AMDHD2: variants seen among roughly 807,000 people sequenced by gnomAD.
AMDHD2 encodes amidohydrolase domain containing 2.
A neutral mutation model predicts 41.8 loss-of-function variants in AMDHD2; 24 were observed. The observed-to-expected ratio is 0.57, with a 90% CI of 0.42 to 0.81. AMDHD2 has a LOEUF of 0.81. AMDHD2 is among the 30% of genes least tolerant of loss of function. AMDHD2 has a pLI of 0.00. For missense variants in AMDHD2, 540 were observed against 588.5 expected, an observed-to-expected ratio of 0.92 and a Z score of 0.85; for synonymous variants, 332 against 255.5, an observed-to-expected ratio of 1.30 and a Z score of -2.85.
Position 2,521,120 on chromosome 16 carries a change from C to A in AMDHD2, c.357C>A (p.His119Gln). 1 of 1,578,444 alleles carries A rather than the reference C, an allele frequency of 6.3e-7. No homozygotes were observed. Among genetic ancestry groups the A allele is most frequent in the Non-Finnish European group, 8.6e-7 (1 of 1,156,252 alleles). The change falls in exon 3 of 11, where the codon CAC becomes CAA. Residue 119 changes from histidine to glutamine, a missense_variant. By Grantham distance (24) the His-to-Gln change is conservative (BLOSUM62 0). Coordinates refer to ENST00000293971, the MANE Select transcript of AMDHD2 (RefSeq NM_001330449.2). Reference sequence around the variant, plus strand: ...TCACTTCCCCACCGGAGGTTTATCACAAGGTGAGGTGAGGCTCCCTGGCTG... The same window carrying A: ...TCACTTCCCCACCGGAGGTTTATCAAAAGGTGAGGTGAGGCTCCCTGGCTG... ...TLVTSPPEVY[H>Q]KVVPQIPVKS...
chr16:2,530,225 C>A lies in AMDHD2; in HGVS notation c.*662C>A, dbSNP rs1459967737. 1 of 1,561,978 alleles carries A rather than the reference C, an allele frequency of 6.4e-7. No homozygotes were observed. Among genetic ancestry groups the A allele is most frequent in the Admixed American group, 1.8e-5 (1 of 54,878 alleles). On this transcript the variant is annotated 3_prime_UTR_variant, in exon 11 of 11. Transcript: ENST00000293971. Reference sequence around the variant, plus strand: ...GATGACCAGCGTTCTGTTTTCTCTTCTCAATAACCCTATCTCTTCACACAT... The same window carrying A: ...GATGACCAGCGTTCTGTTTTCTCTTATCAATAACCCTATCTCTTCACACAT...
chr16:2,530,151 C>A lies in AMDHD2; in HGVS notation c.*588C>A, dbSNP rs1368734856. 1 of 1,424,082 alleles carries A rather than the reference C, an allele frequency of 7.0e-7. No homozygotes were observed. Among genetic ancestry groups the A allele is most frequent in the Non-Finnish European group, 9.3e-7 (1 of 1,079,508 alleles). The allele number at this position is 1,424,082 out of a possible 1,614,324, so 88.2% of individuals were successfully genotyped here. On this transcript the variant is annotated 3_prime_UTR_variant, in exon 11 of 11. Coordinates refer to ENST00000293971, the MANE Select transcript of AMDHD2 (RefSeq NM_001330449.2). ...TGACCTCCAGGAGGGAGACTGGGCC[C>A]GGGACCCCTGTTTTCTGCTCCCTGG...
chr16:2,528,704 TC>T lies in AMDHD2; in HGVS notation c.1027del (p.Leu343CysfsTer73), dbSNP rs1297925264. The T allele has an allele frequency of 6.2e-7, 1 of 1,612,652 alleles. No homozygotes were observed. Among genetic ancestry groups the T allele is most frequent in the Middle Eastern group, 1.7e-4 (1 of 6,052 alleles). ...CCAATGGACGTCTGTGTCCGGCACT[TC>T]CTGCAGGCCACAGGTCAGTGAGCAG... ...IAPMDVCVRH[F>X]LQATGCSMES... On this transcript the variant is annotated frameshift_variant, in exon 9 of 11. Coordinates refer to ENST00000293971, the MANE Select transcript of AMDHD2 (RefSeq NM_001330449.2). LOFTEE classifies it high-confidence loss of function.
Position 2,531,113 on chromosome 16 carries a change from A to C in AMDHD2, c.*1550A>C. ...CAGAGCTGGCATGTTGGTCATCCCC[A>C]CCTCAGACGGGACGCCCAGTCCAGA... On this transcript the variant is annotated 3_prime_UTR_variant, in exon 11 of 11. Coordinates refer to ENST00000293971, the MANE Select transcript of AMDHD2 (RefSeq NM_001330449.2). 6.5e-7 allele frequency: 1 copy of C among 1,539,252 alleles called. No individual in the cohort carries two copies.
chr16:2,530,597 C>T lies in AMDHD2; in HGVS notation c.*1034C>T, dbSNP rs746138755. The T allele has an allele frequency of 1.9e-6, 3 of 1,614,190 alleles. No homozygotes were observed. The highest frequency in any genetic ancestry group is 3.3e-5 in the Admixed American group (2 of 60,032). Reference sequence around the variant, plus strand: ...CCTTGCTTACAGGTGCTGTCCTGGGCACAGGAGGTACGCGCCTGGCTCTGC... The same window carrying T: ...CCTTGCTTACAGGTGCTGTCCTGGGTACAGGAGGTACGCGCCTGGCTCTGC... On this transcript the variant is annotated 3_prime_UTR_variant, in exon 11 of 11. Transcript: ENST00000293971.
rs745655515 is a variant in AMDHD2, at chr16:2,530,321, G to A, written c.*758G>A. The A allele has an allele frequency of 5.6e-6, 9 of 1,614,122 alleles. No individual in the cohort carries two copies. The highest frequency in any genetic ancestry group is 1.7e-4 in the Middle Eastern group (1 of 6,060). On this transcript the variant is annotated 3_prime_UTR_variant, in exon 11 of 11. Transcript: ENST00000293971. ...GGAGGGCAGTATGGGAGGCACCAGT[G>A]TGCCCTGCTCACCCCATTAGTGTCA... is the stretch of plus-strand genomic sequence containing the variant.
At chr16:2,522,740 C>T (rs1021874617) in intron 3 of AMDHD2, among the ~76,000 whole-genome samples, 2 of 152,090 alleles carry the variant, frequency 1.3e-5, no homozygotes, top group African/African-American at 2.4e-5. Flanking sequence ...GTCTCAAACT[C>T]CTAGGCTCAG....
chr16:2,525,044 T>C (rs1462023128), intron 3 of AMDHD2, among the ~76,000 whole-genome samples: 2 of 151,680 alleles, frequency 1.3e-5, no homozygotes, highest in Non-Finnish European at 2.9e-5. Context: ...TGTTTCACTC[T>C]TCTCTCTGGC....
intron 10 of AMDHD2, 180 bp from the exon 11 acceptor site, chr16:2,529,295 A>G: frequency 8.9e-7 from 1 of 1,121,050 alleles, no homozygotes; most frequent in Non-Finnish European, 1.2e-6. Flanking sequence ...AAGGCCAGGC[A>G]AGGGGTTGCA....
At chr16:2,520,951 C>T (rs758319626) in intron 2 of AMDHD2, 33 bp from the exon 3 acceptor site, 2 of 1,596,312 alleles carry the variant, frequency 1.3e-6, no homozygotes, top group East Asian at 2.3e-5. Context: ...GAGCTCTGAG[C>T]TCCATGCGAC....
intron 3 of AMDHD2, among the ~76,000 whole-genome samples, chr16:2,522,545 C>T (rs1328855698): frequency 2.0e-5 from 3 of 152,170 alleles, no homozygotes; most frequent in Admixed American, 6.5e-5. Context: ...GGAGTGGTTG[C>T]GCCTACCTGT....
Position 2,529,479 on chromosome 16 carries a change from C to G in AMDHD2, c.1146C>G (p.Phe382Leu), listed in dbSNP as rs752994308. The G allele has an allele frequency of 6.2e-7, 1 of 1,610,520 alleles. No individual in the cohort carries two copies. Among genetic ancestry groups the G allele is most frequent in the Non-Finnish European group, 8.5e-7 (1 of 1,179,960 alleles). ...GTLDFGADAD[F>L]VVLDDSLHVQ... Reference sequence around the variant, plus strand: ...CATTGCCCGGCTCTGTCCCAGACTTCGTGGTGCTCGACGACTCCCTTCACG... The same window carrying G: ...CATTGCCCGGCTCTGTCCCAGACTTGGTGGTGCTCGACGACTCCCTTCACG... Residue 382 changes from phenylalanine (F) to leucine (L), a missense_variant, in exon 11 of 11, where the codon TTC becomes TTG. Coordinates refer to ENST00000293971, the MANE Select transcript of AMDHD2 (RefSeq NM_001330449.2).
intron 3 of AMDHD2, among the ~76,000 whole-genome samples, chr16:2,525,877 C>G (rs1202042047): frequency 6.6e-6 from 1 of 152,146 alleles, no homozygotes; most frequent in East Asian, 1.9e-4. Context: ...TGGGGTTTCT[C>G]CATGTTGGTA....
chr16:2,529,731 ACTCGC>A lies in AMDHD2; in HGVS notation c.*171_*175del. The A allele has an allele frequency of 6.9e-7, 1 of 1,449,362 alleles. No individual in the cohort carries two copies. 89.8% of individuals were successfully genotyped at this position (1,449,362 alleles called of 1,614,324 possible). On this transcript the variant is annotated 3_prime_UTR_variant, in exon 11 of 11. Transcript: ENST00000293971. ...CTGGGATAAACGTGCACCCAGCAGG[ACTCGC>A]CTTGGCTCCGGGTTTTGCTTGTGCT... is the stretch of plus-strand genomic sequence containing the variant.
At chr16:2,528,817 C>A in intron 9 of AMDHD2, 99 bp downstream of exon 9, 1 of 1,571,860 alleles carries the variant, frequency 6.4e-7, no homozygotes. Context: ...GCTCTGCCCA[C>A]AGGAGCTCCT....
chr16:2,522,333 T>C (rs981294497), intron 3 of AMDHD2, among the ~76,000 whole-genome samples: 9 of 152,132 alleles, frequency 5.9e-5, no homozygotes, highest in African/African-American at 2.2e-4. Context: ...CCTCCTGTCT[T>C]AGTCCCCCAG....
chr16:2,526,049 C>T (rs998058598), intron 3 of AMDHD2, among the ~76,000 whole-genome samples: 3 of 152,166 alleles, frequency 2.0e-5, no homozygotes, highest in Non-Finnish European at 4.4e-5. Context: ...GGAGGGTGTC[C>T]GTGATGGCCC....
rs367913242 is a variant in AMDHD2, at chr16:2,529,042, A to C, written c.1088A>C (p.Gln363Pro). Residue 363 changes from glutamine (Q) to proline (P), a missense_variant, in exon 10 of 11, where the codon CAG (glutamine) becomes CCG (proline). Gln to Pro is a moderately conservative substitution (Grantham distance 76, BLOSUM62 -1). Transcript: ENST00000293971. Reference protein sequence around the residue: ...ALEAASLHPAQLLGLEKSKGT... With the variant: ...ALEAASLHPAPLLGLEKSKGT... ...GAGGCTGCATCCCTGCACCCCGCCC[A>C]GTTGCTGGGGCTGGAGAAGAGTAAG... 6 of 1,599,716 alleles carry C rather than the reference A, an allele frequency of 3.8e-6. No individual in the cohort carries two copies. The highest frequency in any genetic ancestry group is 5.1e-6 in the Non-Finnish European group (6 of 1,173,874).
At position 2,530,880 on chromosome 16, in the gene AMDHD2, C is replaced by T. The variant is rs2066084291; in HGVS notation, c.*1317C>T. On this transcript the variant is annotated 3_prime_UTR_variant, in exon 11 of 11. Coordinates refer to ENST00000293971, the MANE Select transcript of AMDHD2 (RefSeq NM_001330449.2). ...CTGAGAGGTGTGAGGTGCAGGGATA[C>T]CCACCTCTGCCTTGACGGCCGCGCA... 2 of 1,613,594 alleles carry T rather than the reference C, an allele frequency of 1.2e-6. No homozygotes were observed. Among genetic ancestry groups the T allele is most frequent in the South Asian group, 1.1e-5 (1 of 91,084 alleles).
Sources: gnomAD v4.1 joint callset for allele counts (sites outside exome capture counted in the v4.1 genomes callset) on GRCh38, gnomAD v4.1.1 for gene constraint, MANE v1.5 for transcripts, NCBI Gene and HGNC (gene_info 2026-07-23, HGNC 2026-07-21) for gene names.